Variants in EIF2AK2 observed in about 807,000 individuals in gnomAD.
EIF2AK2 encodes eukaryotic translation initiation factor 2 alpha kinase 2.
EIF2AK2 carries 40 observed loss-of-function variants against 70.5 expected under a neutral mutation model. The observed-to-expected ratio is 0.57, with a 90% CI of 0.44 to 0.74. EIF2AK2 has a LOEUF of 0.74. Ranked by LOEUF, EIF2AK2 falls within the 30% of genes least tolerant of loss-of-function variation. The pLI is 0.00. For missense variants in EIF2AK2, 555 were observed against 644.3 expected (o/e 0.86, Z 1.50); for synonymous variants, 198 against 220.9 (o/e 0.90, Z 0.92).
At chr2:37,126,248 G>C (rs536032536) in intron 11 of EIF2AK2, 41 bp downstream of exon 11, 2 of 1,545,072 alleles carry the variant, frequency 1.3e-6, no homozygotes, top group Admixed American at 2.1e-5. Context: ...CAGATTCAGC[G>C]TACCTTGCCA....
rs939386111 is a variant in EIF2AK2, at chr2:37,104,247, T to C, written c.*3026A>G. Reference sequence around the variant, plus strand: ...AGTTATTTGGCATTGTTATCTAATATGCAGTCTATATTCAAATGTTCTCAA... The same window carrying C: ...AGTTATTTGGCATTGTTATCTAATACGCAGTCTATATTCAAATGTTCTCAA... On this transcript the variant is annotated 3_prime_UTR_variant, in exon 17 of 17. Transcript: ENST00000233057. 1.3e-5 allele frequency: 2 copies of C among 152,058 alleles called. No homozygotes were observed. The highest frequency in any genetic ancestry group is 3.8e-4 in the East Asian group (2 of 5,206). 9.4% of individuals were successfully genotyped at this position (152,058 alleles called of 1,614,324 possible).
At chr2:37,120,188 T>C in intron 12 of EIF2AK2, 49 bp from the exon 13 acceptor site, 1 of 1,162,640 alleles carries the variant, frequency 8.6e-7, no homozygotes. Context: ...AATATAAATT[T>C]ATAAAAAATT....
intron 2 of EIF2AK2, 30 bp downstream of exon 2, chr2:37,148,827 T>C (rs1675646476): frequency 4.8e-6 from 4 of 835,208 alleles, no homozygotes; most frequent in Non-Finnish European, 8.5e-6. Flanking sequence ...GCCACTTTTC[T>C]GAGTGCAAAA....
intron 14 of EIF2AK2, among the ~76,000 whole-genome samples, chr2:37,110,079 CTT>C (rs763001824): frequency 1.4e-5 from 2 of 143,444 alleles, no homozygotes. Flanking sequence ...AAAATGTTGC[CTT>C]TTTTTTTTTT....
intron 14 of EIF2AK2, among the ~76,000 whole-genome samples, chr2:37,110,218 G>A (rs1015294277): frequency 2.6e-5 from 4 of 151,298 alleles, no homozygotes; most frequent in South Asian, 4.2e-4. Context: ...CTCCAGGCAC[G>A]TGCCACCACG....
intron 4 of EIF2AK2, among the ~76,000 whole-genome samples, chr2:37,143,354 T>A (rs1026652021): frequency 6.6e-6 from 1 of 152,162 alleles, no homozygotes; most frequent in African/African-American, 2.4e-5. Flanking sequence ...TCTCTTCAGA[T>A]CATTTTCTTC....
At chr2:37,125,097 C>T (rs1221229086) in intron 11 of EIF2AK2, among the ~76,000 whole-genome samples, 1 of 152,072 alleles carries the variant, frequency 6.6e-6, no homozygotes, top group Non-Finnish European at 1.5e-5. Context: ...ACCACAAGCT[C>T]CGCCTCCCGG....
chr2:37,138,711 C>T (rs1675214865), intron 6 of EIF2AK2, 126 bp from the exon 7 acceptor site: 1 of 745,814 alleles, frequency 1.3e-6, no homozygotes, highest in African/African-American at 1.8e-5. Context: ...TAAACAATTA[C>T]AAGATTAATA....
At chr2:37,134,649 A>ACCT (rs1428385757) in intron 10 of EIF2AK2, among the ~76,000 whole-genome samples, 2 of 152,114 alleles carry the variant, frequency 1.3e-5, no homozygotes, top group African/African-American at 4.8e-5. Context: ...TGTCTCCTTG[A>ACCT]CCTCCTCCTT....
intron 1 of EIF2AK2, among the ~76,000 whole-genome samples, chr2:37,150,926 A>G (rs1675719131): frequency 6.6e-6 from 1 of 152,212 alleles, no homozygotes; most frequent in African/African-American, 2.4e-5. Context: ...AGTCTATAGC[A>G]ATGATTTAAA....
At position 37,107,255 on chromosome 2, in the gene EIF2AK2, T is replaced by C; in HGVS notation, c.*18A>G. Reference sequence around the variant, plus strand: ...GGAAAACTGCATATCAGAAGCAGGATACTTTTTCAGAAGGGCTCTAACATG... The same window carrying C: ...GGAAAACTGCATATCAGAAGCAGGACACTTTTTCAGAAGGGCTCTAACATG... On this transcript the variant is annotated 3_prime_UTR_variant, in exon 17 of 17. Coordinates refer to ENST00000233057, the MANE Select transcript of EIF2AK2 (RefSeq NM_001135651.3). The C allele has an allele frequency of 6.2e-7, 1 of 1,603,706 alleles. No individual in the cohort carries two copies. Among genetic ancestry groups the C allele is most frequent in the Non-Finnish European group, 8.5e-7 (1 of 1,177,166 alleles).
chr2:37,136,562 T>A (rs978665484), intron 9 of EIF2AK2, among the ~76,000 whole-genome samples: 2 of 152,242 alleles, frequency 1.3e-5, no homozygotes, highest in Non-Finnish European at 2.9e-5. Flanking sequence ...CTTACTGTCA[T>A]TTCTGACTAT....
In EIF2AK2 at chr2:37,103,017, G is replaced by T. The variant is rs1023190687; in HGVS notation, c.*4256C>A. On this transcript the variant is annotated 3_prime_UTR_variant, in exon 17 of 17. Transcript: ENST00000233057. ...TCTCAAAATTTCTGTGTGTGTGTGT[G>T]TGTGTGTGCATTTTAATTAGCAAAT... 6.6e-6 allele frequency: 1 copy of T among 151,806 alleles called. No homozygotes were observed. Among genetic ancestry groups the T allele is most frequent in the Admixed American group, 6.6e-5 (1 of 15,240 alleles). 9.4% of individuals were successfully genotyped at this position (151,806 alleles called of 1,614,324 possible).
chr2:37,139,025 T>C (rs1248692486), intron 6 of EIF2AK2, among the ~76,000 whole-genome samples: 1 of 150,544 alleles, frequency 6.6e-6, no homozygotes, highest in Non-Finnish European at 1.5e-5. Flanking sequence ...GGTCTGAAAC[T>C]CCTGAGTTCG....
chr2:37,138,840 G>C (rs948030277), intron 6 of EIF2AK2, among the ~76,000 whole-genome samples: 1 of 152,062 alleles, frequency 6.6e-6, no homozygotes, highest in Non-Finnish European at 1.5e-5. Context: ...CTGTTGTCTA[G>C]GTTGAAGTGC....
chr2:37,109,482 G>A (rs1674073213), intron 14 of EIF2AK2, 187 bp from the exon 15 acceptor site: 2 of 528,044 alleles, frequency 3.8e-6, no homozygotes, highest in Non-Finnish European at 3.4e-6. Context: ...AATCCTCTGT[G>A]TAAATTAACG....
chr2:37,126,268 A>C, intron 11 of EIF2AK2, 21 bp downstream of exon 11: 2 of 1,561,706 alleles, frequency 1.3e-6, no homozygotes, highest in Non-Finnish European at 1.7e-6. Context: ...ATTCAAAAAA[A>C]TGTAAACATT....
At position 37,145,921 on chromosome 2, in the gene EIF2AK2, T is replaced by C. The variant is rs184704875; in HGVS notation, c.240+932A>G. Among the ~76,000 whole-genome samples, 25 of 151,474 alleles carry C rather than the reference T, an allele frequency of 1.7e-4. 1 individual carries two copies. In the East Asian group the frequency reaches 4.9e-3, roughly 30 times the overall value. ...GCGTCCACCACCACGCCCAGCTAATTTTTTGTATTTTTAGTAGAGACAGGG... is the reference window on the plus strand; with the variant it reads ...GCGTCCACCACCACGCCCAGCTAATCTTTTGTATTTTTAGTAGAGACAGGG... On this transcript the variant is annotated intron_variant, in intron 4 of 16. Coordinates refer to ENST00000233057, the MANE Select transcript of EIF2AK2 (RefSeq NM_001135651.3).
intron 11 of EIF2AK2, among the ~76,000 whole-genome samples, chr2:37,123,523 C>T (rs749977440): frequency 2.0e-5 from 3 of 152,202 alleles, no homozygotes; most frequent in African/African-American, 4.8e-5. Context: ...CTGCCTCAGC[C>T]TCCCAAAGTG....
Sources: allele counts gnomAD v4.1 joint callset (sites outside exome capture counted in the v4.1 genomes callset), GRCh38; gene constraint gnomAD v4.1.1; transcripts MANE v1.5; gene names NCBI Gene and HGNC (gene_info 2026-07-23, HGNC 2026-07-21).